The following DCDC1 variants were observed in gnomAD, a reference collection of about 807,000 sequenced individuals.
DCDC1 encodes the protein doublecortin domain containing 1, also known as doublecortin domain-containing protein 1.
In DCDC1, 200 loss-of-function variants were observed where a neutral mutation model predicts 178.3. The ratio of observed to expected loss-of-function variants is 1.12; its 90% CI spans 1.00 to 1.26. The LOEUF (loss-of-function observed/expected upper bound fraction) is 1.26. Ranked by LOEUF, DCDC1 falls within the 50% of genes most tolerant of loss-of-function variation. DCDC1 has a pLI of 0.00. For synonymous variants in DCDC1, 690 were observed against 604.8 expected (o/e 1.14, Z -2.07); for missense variants, 1,983 against 1,749.2 (o/e 1.13, Z -2.38).
intron 30 of DCDC1, among the ~76,000 whole-genome samples, chr11:30,905,910 C>T (rs1422782400): frequency 6.6e-6 from 1 of 152,174 alleles, no homozygotes; most frequent in East Asian, 1.9e-4. Flanking sequence ...CTGAAGAGCA[C>T]ACCAGACTGG....
chr11:31,124,602 C>T (rs1565315589), intron 11 of DCDC1, among the ~76,000 whole-genome samples: 1 of 152,074 alleles, frequency 6.6e-6, no homozygotes. Flanking sequence ...ACCAATGGAA[C>T]AGAATACAGA....
chr11:31,120,624 G>A (rs904683799), intron 11 of DCDC1, among the ~76,000 whole-genome samples: 1 of 152,068 alleles, frequency 6.6e-6, no homozygotes, highest in Non-Finnish European at 1.5e-5. Context: ...GCCTCTACTG[G>A]CAGCAAATAG....
At chr11:31,243,023 C>T (rs531167292) in intron 8 of DCDC1, among the ~76,000 whole-genome samples, 1 of 151,864 alleles carries the variant, frequency 6.6e-6, no homozygotes, top group Non-Finnish European at 1.5e-5. Context: ...ACTTATTTAG[C>T]TTGAGAAACT....
At position 31,250,281 on chromosome 11, in the gene DCDC1, T is replaced by C. The variant is rs148887166; in HGVS notation, c.1055-8665A>G. On this transcript the variant is annotated intron_variant, in intron 8 of 38. Transcript: ENST00000684477. ...ATTTAAAAGTCAAAGAGAATTATAT[T>C]ACTTAGTATCCAAAACAAGGCAAAA... 3.4e-4 allele frequency among the ~76,000 whole-genome samples: 49 copies of C among 142,524 alleles called. No homozygotes were observed. In the East Asian group the frequency reaches 0.012, roughly 36 times the overall value. 93.5% of individuals were successfully genotyped at this position (142,524 alleles called of 152,430 possible).
intron 1 of DCDC1, among the ~76,000 whole-genome samples, chr11:31,352,681 G>A (rs1951135083): frequency 6.6e-6 from 1 of 152,092 alleles, no homozygotes; most frequent in South Asian, 2.1e-4. Context: ...ATAAGTCCTT[G>A]GAGAAATATT....
At chr11:31,007,372 G>A (rs1022161856) in intron 20 of DCDC1, among the ~76,000 whole-genome samples, 3 of 152,194 alleles carry the variant, frequency 2.0e-5, no homozygotes, top group Non-Finnish European at 4.4e-5. Context: ...GCCTTGAAAT[G>A]AGACCATTGA....
At chr11:31,336,803 C>T (rs191689832) in intron 1 of DCDC1, among the ~76,000 whole-genome samples, 1 of 152,166 alleles carries the variant, frequency 6.6e-6, no homozygotes, top group Non-Finnish European at 1.5e-5. Flanking sequence ...CATGTTATGG[C>T]CAATGGCATG....
chr11:31,206,350 C>T (rs1295726341), intron 9 of DCDC1, among the ~76,000 whole-genome samples: 1 of 152,176 alleles, frequency 6.6e-6, no homozygotes, highest in Non-Finnish European at 1.5e-5. Context: ...AATGTTTACC[C>T]TGAATCTATC....
At chr11:31,265,188 A>G (rs903229458) in intron 8 of DCDC1, among the ~76,000 whole-genome samples, 2 of 152,096 alleles carry the variant, frequency 1.3e-5, no homozygotes, top group Admixed American at 6.6e-5. Context: ...GCAATTTCTC[A>G]TTTTTGTTTT....
intron 14 of DCDC1, 24 bp from the exon 15 acceptor site, chr11:31,102,306 T>A: frequency 1.5e-6 from 1 of 651,034 alleles, no homozygotes; most frequent in Non-Finnish European, 2.8e-6. Flanking sequence ...AATACGTAAT[T>A]ATTTTTATTA....
At chr11:31,105,456 T>C in intron 13 of DCDC1, among the ~76,000 whole-genome samples, 1 of 151,776 alleles carries the variant, frequency 6.6e-6, no homozygotes, top group East Asian at 1.9e-4. Context: ...TAAAAAGAAA[T>C]AATAATGACA....
chr11:30,980,164 A>C (rs167058), intron 20 of DCDC1, among the ~76,000 whole-genome samples: 3,497 of 152,276 alleles, frequency 0.023, 146 homozygotes, highest in African/African-American at 0.08. Flanking sequence ...GTACATCCCC[A>C]GTGCCTAGCA....
At chr11:31,021,113 C>T (rs1217106545) in intron 20 of DCDC1, among the ~76,000 whole-genome samples, 1 of 152,186 alleles carries the variant, frequency 6.6e-6, no homozygotes, top group Non-Finnish European at 1.5e-5. Flanking sequence ...GCAACAGGCA[C>T]TTTTACATGT....
At chr11:30,874,845 A>G (rs1015518284) in intron 38 of DCDC1, among the ~76,000 whole-genome samples, 1 of 152,202 alleles carries the variant, frequency 6.6e-6, no homozygotes, top group Non-Finnish European at 1.5e-5. Flanking sequence ...AGGACCTGAT[A>G]GGTCCAACAG....
chr11:31,036,282 C>G (rs288468), intron 20 of DCDC1, among the ~76,000 whole-genome samples: 1 of 152,058 alleles, frequency 6.6e-6, no homozygotes, highest in Middle Eastern at 3.4e-3. Flanking sequence ...TTGAGAAAGG[C>G]AAAAACTGTT....
At chr11:31,088,577 T>C (rs552117959) in intron 17 of DCDC1, among the ~76,000 whole-genome samples, 3 of 152,348 alleles carry the variant, frequency 2.0e-5, no homozygotes, top group South Asian at 2.1e-4. Context: ...CTTCCATTTC[T>C]CTCCTAGTGG....
intron 20 of DCDC1, among the ~76,000 whole-genome samples, chr11:30,978,824 ACACC>A (rs1212175114): frequency 1.6e-3 from 199 of 125,384 alleles, no homozygotes; most frequent in African/African-American, 5.0e-3. Flanking sequence ...ACACACACAC[ACACC>A]CCCTTCTCAG....
intron 20 of DCDC1, among the ~76,000 whole-genome samples, chr11:31,019,077 G>A (rs756580895): frequency 2.0e-5 from 3 of 152,156 alleles, no homozygotes; most frequent in South Asian, 4.1e-4. Flanking sequence ...GAGTCCTGAC[G>A]TGGCCAGCTG....
chr11:31,368,798 T>C (rs752651170), intron 1 of DCDC1, among the ~76,000 whole-genome samples: 1 of 152,228 alleles, frequency 6.6e-6, no homozygotes, highest in Non-Finnish European at 1.5e-5. Context: ...GTGAAATTTA[T>C]GTCATGCTGG....
Sources: allele counts gnomAD v4.1 joint callset (sites outside exome capture counted in the v4.1 genomes callset), GRCh38; gene constraint gnomAD v4.1.1; transcripts MANE v1.5; gene names NCBI Gene and HGNC (gene_info 2026-07-23, HGNC 2026-07-21).